NEK5: variants seen among roughly 807,000 people sequenced by gnomAD.
NEK5 encodes serine/threonine-protein kinase Nek5.
A neutral mutation model predicts 109.2 loss-of-function variants in NEK5; 88 were observed. The ratio of observed to expected loss-of-function variants is 0.81; its 90% CI spans 0.68 to 0.96. The LOEUF (loss-of-function observed/expected upper bound fraction) is 0.96, where lower values mean the gene tolerates loss of function less well. Among genes scored for constraint, NEK5 ranks in the 40% least tolerant of loss-of-function variants. The pLI is 0.00. For missense variants in NEK5, 834 were observed against 920.7 expected (o/e 0.91, Z 1.22); for synonymous variants, 283 against 299.9 (o/e 0.94, Z 0.58).
chr13:52,069,949 T>G (rs1476534109), intron 20 of NEK5, among the ~76,000 whole-genome samples: 1 of 152,242 alleles, frequency 6.6e-6, no homozygotes, highest in Non-Finnish European at 1.5e-5. Context: ...GTGACTTTTT[T>G]GCTCATAACA....
intron 5 of NEK5, among the ~76,000 whole-genome samples, chr13:52,111,403 G>A (rs1955755399): frequency 6.6e-6 from 1 of 152,066 alleles, no homozygotes; most frequent in Admixed American, 6.6e-5. Context: ...AGAAAAAAGA[G>A]TTTCTATCAA....
chr13:52,110,528 T>C lies in NEK5; in HGVS notation c.362A>G (p.Asp121Gly), dbSNP rs766179345. The C allele has an allele frequency of 1.2e-6, 2 of 1,612,942 alleles. No homozygotes were observed. Among genetic ancestry groups the C allele is most frequent in the South Asian group, 1.1e-5 (1 of 91,030 alleles). Residue 121 changes from aspartate to glycine, a missense_variant, in exon 6 of 24, where the codon GAC becomes GGC. Around this residue, in one of 2 missense-constraint regions of NEK5, gnomAD observed 777 missense variants for 824.7 expected, o/e 0.94. Transcript: ENST00000684899. ...TATGTCCCTGTGTAATATCTTCCTG[T>C]CATGAATATGTTTTAGTCCTAGAGA... ...QISLGLKHIH[D>G]RKILHRDIKA...
At chr13:52,071,275 C>T (rs74087051) in intron 20 of NEK5, among the ~76,000 whole-genome samples, 2,511 of 152,296 alleles carry the variant, frequency 0.016, 75 homozygotes, top group African/African-American at 0.058. Flanking sequence ...TGACTCATCA[C>T]AGACAAGCTG....
chr13:52,080,769 T>C (rs1295514193), intron 17 of NEK5, among the ~76,000 whole-genome samples: 7 of 151,764 alleles, frequency 4.6e-5, no homozygotes, highest in Admixed American at 2.6e-4. Flanking sequence ...GGCCGCAGGG[T>C]CCTCTGCCTA....
At chr13:52,040,283 C>T (rs1954402629) in intron 23 of NEK5, among the ~76,000 whole-genome samples, 1 of 152,042 alleles carries the variant, frequency 6.6e-6, no homozygotes, top group African/African-American at 2.4e-5. Context: ...CGGGGTTTCA[C>T]CATGTTGGCC....
rs1395731325 is a variant in NEK5 at position 52,036,483 on chromosome 13, T to C, written c.*465A>G. ...AAAGCTTTTTTTTTTTTTTCTTTTT[T>C]TGAGACAGAGTTTCGCTCTTGTTGC... On this transcript the variant is annotated 3_prime_UTR_variant, in exon 24 of 24. Transcript: ENST00000684899. 6.5e-6 allele frequency: 1 copy of C among 152,722 alleles called. No homozygotes were observed. Among genetic ancestry groups the C allele is most frequent in the Non-Finnish European group, 1.5e-5 (1 of 68,468 alleles). 9.5% of individuals were successfully genotyped at this position (152,722 alleles called of 1,614,324 possible). A position where few individuals can be genotyped will look rare whatever the true frequency, so the allele number is the denominator to read the frequency against.
chr13:52,068,853 C>T (rs1954735095), intron 20 of NEK5, among the ~76,000 whole-genome samples: 1 of 151,998 alleles, frequency 6.6e-6, no homozygotes, highest in Non-Finnish European at 1.5e-5. Context: ...CGCACCTATG[C>T]CAGCTACTCA....
chr13:52,095,577 C>T (rs1211812115), intron 12 of NEK5, among the ~76,000 whole-genome samples: 2 of 152,172 alleles, frequency 1.3e-5, no homozygotes, highest in East Asian at 1.9e-4. Flanking sequence ...ACATACTTTT[C>T]TTATTTCTTT....
At chr13:52,062,196 A>ACCC (rs1954619076) in intron 21 of NEK5, 1 of 152,162 alleles carries the variant, frequency 6.6e-6, no homozygotes, top group Non-Finnish European at 1.5e-5. Context: ...GCCTATTTTA[A>ACCC]ATTGATTTAT....
intron 22 of NEK5, among the ~76,000 whole-genome samples, chr13:52,058,004 G>A (rs1193188948): frequency 1.3e-5 from 2 of 152,144 alleles, no homozygotes; most frequent in African/African-American, 4.8e-5. Context: ...AAAAGAGGAA[G>A]TCAAATTGTC....
In NEK5 at chr13:52,035,305, T is replaced by G. The variant is rs1158998112; in HGVS notation, c.*1643A>C. On this transcript the variant is annotated 3_prime_UTR_variant, in exon 24 of 24. Transcript: ENST00000684899. ...ACTCCTAAGACTTGCATTCTCCACA[T>G]TTAATGAAAATTATATGAAATGTAA... 2.0e-5 allele frequency: 3 copies of G among 152,236 alleles called. No individual in the cohort carries two copies. Among genetic ancestry groups the G allele is most frequent in the Non-Finnish European group, 4.4e-5 (3 of 68,044 alleles). 9.4% of individuals were successfully genotyped at this position (152,236 alleles called of 1,614,324 possible).
At chr13:52,094,679 C>T (rs1024042843) in intron 12 of NEK5, among the ~76,000 whole-genome samples, 8 of 152,128 alleles carry the variant, frequency 5.3e-5, no homozygotes, top group Admixed American at 2.0e-4. Context: ...CCCAGCTACT[C>T]GGGAGAATGG....
chr13:52,128,528 G>A (rs1455129449), intron 1 of NEK5, among the ~76,000 whole-genome samples: 2 of 152,196 alleles, frequency 1.3e-5, no homozygotes, highest in Non-Finnish European at 2.9e-5. Context: ...TGTTGTTAAT[G>A]GGGTGAGCAG....
At chr13:52,080,061 C>T (rs9568698) in intron 17 of NEK5, among the ~76,000 whole-genome samples, 638 of 57,972 alleles carry the variant, frequency 0.011, 1 homozygote, top group Middle Eastern at 0.05. Context: ...CCCCTCCGCC[C>T]GGCAGCCGCC....
At chr13:52,045,983 A>C (rs1182495424) in intron 23 of NEK5, among the ~76,000 whole-genome samples, 2 of 149,848 alleles carry the variant, frequency 1.3e-5, no homozygotes, top group African/African-American at 4.9e-5. Context: ...AGACAGGAGA[A>C]TCGCTTGAAC....
intron 13 of NEK5, among the ~76,000 whole-genome samples, chr13:52,091,791 T>A (rs1424963687): frequency 1.3e-5 from 2 of 152,190 alleles, no homozygotes; most frequent in Non-Finnish European, 2.9e-5. Context: ...ATTGTAGATC[T>A]GCAGAAATCT....
chr13:52,106,179 CAA>C (rs5803596), intron 8 of NEK5, among the ~76,000 whole-genome samples: 60 of 144,344 alleles, frequency 4.2e-4, no homozygotes, highest in East Asian at 8.1e-4. Context: ...GGGGATGTCT[CAA>C]AAAAAAAAAA....
At chr13:52,092,842 C>T (rs1023054197) in intron 13 of NEK5, among the ~76,000 whole-genome samples, 11 of 152,022 alleles carry the variant, frequency 7.2e-5, no homozygotes, top group Admixed American at 6.6e-4. Context: ...GCTGAGATTG[C>T]GCCACCGCAC....
At position 52,076,104 on chromosome 13, in the gene NEK5, T is replaced by C. The variant is rs1323753074; in HGVS notation, c.1612A>G (p.Thr538Ala). 2 of 1,601,792 alleles carry C rather than the reference T, an allele frequency of 1.2e-6. No homozygotes were observed. The highest frequency in any genetic ancestry group is 1.3e-5 in the African/African-American group (1 of 74,536). Residue 538 changes from threonine (T) to alanine (A), a missense_variant, in exon 18 of 24, where the codon ACA becomes GCA. Coordinates refer to ENST00000684899, the MANE Select transcript of NEK5 (RefSeq NM_001365552.1). ...KDLKQMRLQN[T>A]KESKNPEQKY... ...TGTTCTGGATTTTTACTTTCCTTTG[T>C]GTTCTGAAGCCTCATTTGTTTCAAG...
Sources: gnomAD v4.1 joint callset for allele counts (sites outside exome capture counted in the v4.1 genomes callset) on GRCh38, gnomAD v4.1.1 for gene constraint, gnomAD v4.1.1 regional missense constraint, MANE v1.5 for transcripts, NCBI Gene and HGNC (gene_info 2026-07-23, HGNC 2026-07-21) for gene names.